RAD54L2: variants seen among roughly 807,000 people sequenced by gnomAD.
RAD54L2 encodes the protein RAD54 like 2.
RAD54L2 carries 27 observed loss-of-function variants against 138.4 expected under a neutral mutation model. That is an observed-to-expected ratio of 0.20 (90% CI 0.14 to 0.27). RAD54L2 has a LOEUF of 0.27. Ranked by LOEUF, RAD54L2 falls within the 10% of genes least tolerant of loss-of-function variation. The pLI is 1.00. For missense variants in RAD54L2, 1,396 were observed against 1,890.2 expected, an observed-to-expected ratio of 0.74 and a Z score of 4.85; for synonymous variants, 644 against 723.2, an observed-to-expected ratio of 0.89 and a Z score of 1.76.
rs932749607 is a variant in RAD54L2 at position 51,621,906 on chromosome 3, G to A, written c.140-5647G>A. Among the ~76,000 whole-genome samples the A allele has an allele frequency of 7.2e-5, 11 of 152,142 alleles. No individual in the cohort carries two copies. In the South Asian group the frequency reaches 2.1e-3, roughly 29 times the overall value. On this transcript the variant is annotated intron_variant, in intron 3 of 22. Transcript: ENST00000684192. ...CATTTAGCAGTAGATATCCTCTCTT[G>A]GGGAGTCTGCTGCCCAGCCAACTGT...
intron 2 of RAD54L2, among the ~76,000 whole-genome samples, chr3:51,577,818 A>G (rs1699513595): frequency 1.3e-5 from 2 of 152,188 alleles, no homozygotes; most frequent in Admixed American, 1.3e-4. Flanking sequence ...CCTCAGTTGG[A>G]AATTCAGAAA....
At chr3:51,643,363 C>T (rs985622801) in intron 15 of RAD54L2, among the ~76,000 whole-genome samples, 19 of 152,212 alleles carry the variant, frequency 1.2e-4, no homozygotes, top group African/African-American at 4.1e-4. Flanking sequence ...CTCTTTGGAG[C>T]TTCCCTCCTT....
intron 22 of RAD54L2, among the ~76,000 whole-genome samples, chr3:51,661,369 GTCT>G (rs1205893738): frequency 1.2e-4 from 18 of 152,252 alleles, no homozygotes; most frequent in African/African-American, 3.9e-4. Context: ...TTCTAGATAT[GTCT>G]TCTTGAAGGT....
rs80323465 is a variant in RAD54L2, at chr3:51,658,700, G to A, written c.3316+1031G>A. Among the ~76,000 whole-genome samples the A allele has an allele frequency of 8.4e-4, 128 of 152,180 alleles. No homozygotes were observed. In the East Asian group the frequency reaches 0.023, roughly 28 times the overall value. On this transcript the variant is annotated intron_variant, in intron 21 of 22. Transcript: ENST00000684192. Reference sequence around the variant, plus strand: ...GGGTTAGAGTACCTTTGAGGTTAGGGAAAAAGTGCCATGAAATACCCAGAC... The same window carrying A: ...GGGTTAGAGTACCTTTGAGGTTAGGAAAAAAGTGCCATGAAATACCCAGAC...
At chr3:51,579,616 C>T (rs1043626164) in intron 2 of RAD54L2, among the ~76,000 whole-genome samples, 4 of 152,120 alleles carry the variant, frequency 2.6e-5, no homozygotes, top group East Asian at 1.9e-4. Flanking sequence ...AAACTCACTA[C>T]GTATTTCCAT....
intron 3 of RAD54L2, among the ~76,000 whole-genome samples, chr3:51,595,887 T>C (rs1699947403): frequency 6.6e-6 from 1 of 151,338 alleles, no homozygotes; most frequent in Admixed American, 6.6e-5. Context: ...ACCTCTGGGA[T>C]TGGCTTTCCT....
At chr3:51,655,852 C>T in intron 19 of RAD54L2, 119 bp from the exon 20 acceptor site, 2 of 852,878 alleles carry the variant, frequency 2.3e-6, no homozygotes, top group East Asian at 2.5e-5. Context: ...TCTTCTGATC[C>T]TTCTCTGAGC....
intron 2 of RAD54L2, among the ~76,000 whole-genome samples, chr3:51,576,631 G>A (rs1699487748): frequency 1.3e-5 from 2 of 152,144 alleles, no homozygotes; most frequent in South Asian, 4.2e-4. Flanking sequence ...TAGTTTATTT[G>A]TGTAGAGGTG....
chr3:51,663,304 G>A lies in RAD54L2; in HGVS notation c.4288G>A (p.Gly1430Ser), dbSNP rs1176101116. 6.2e-7 allele frequency: 1 copy of A among 1,613,920 alleles called. No individual in the cohort carries two copies. The highest frequency in any genetic ancestry group is 1.6e-4 in the Middle Eastern group (1 of 6,062). The stretch of plus-strand genomic sequence containing the variant: ...CCCACATGCAGGCTACCCAGCTGGT[G>A]GCCTCCTACGGTCCCAGGTGCCTCC... ...MSPHAGYPAGGLLRSQVPPFD... is the reference protein window; with the variant it reads ...MSPHAGYPAGSLLRSQVPPFD... Residue 1430 changes from glycine to serine, a missense_variant, in exon 23 of 23, where the codon GGC (glycine) becomes AGC (serine). Around this residue, in one of 7 missense-constraint regions of RAD54L2, gnomAD observed 634 missense variants for 711.2 expected, o/e 0.89. Transcript: ENST00000684192.
At chr3:51,636,955 A>T in intron 10 of RAD54L2, 1 of 586,664 alleles carries the variant, frequency 1.7e-6, no homozygotes, top group South Asian at 2.1e-5. Context: ...AAAAGAGTCA[A>T]CTGCCAGATT....
chr3:51,584,813 T>G (rs1352546455), intron 2 of RAD54L2, among the ~76,000 whole-genome samples: 1 of 151,760 alleles, frequency 6.6e-6, no homozygotes, highest in African/African-American at 2.4e-5. Flanking sequence ...AATTTTTTAT[T>G]TATTTATTTA....
intron 3 of RAD54L2, among the ~76,000 whole-genome samples, chr3:51,612,248 T>G (rs1368401980): frequency 2.0e-5 from 3 of 152,140 alleles, no homozygotes; most frequent in Non-Finnish European, 4.4e-5. Flanking sequence ...GCAGATCACC[T>G]GAGGTCAGAA....
At chr3:51,651,997 G>T (rs1042002941) in intron 19 of RAD54L2, among the ~76,000 whole-genome samples, 4 of 152,292 alleles carry the variant, frequency 2.6e-5, no homozygotes, top group Non-Finnish European at 5.9e-5. Flanking sequence ...AAGTCAAATT[G>T]TCCCTATTTG....
intron 3 of RAD54L2, among the ~76,000 whole-genome samples, chr3:51,626,087 C>T (rs1700671826): frequency 6.6e-6 from 1 of 151,842 alleles, no homozygotes; most frequent in Admixed American, 6.6e-5. Context: ...CCGCCGACCC[C>T]ACCAAAAAAA....
Position 51,541,583 on chromosome 3 carries a change from A to G in RAD54L2, c.-116-6A>G, listed in dbSNP as rs1427669856. ...TTATCCCCTATGTCTGGTTCACTGT[A>G]TGTAGGCTGGGAGTGTCTGCTGATC... On this transcript the variant is annotated splice_region_variant and splice_polypyrimidine_tract_variant and intron_variant, in intron 1 of 22. Transcript: ENST00000684192. 6.6e-6 allele frequency: 1 copy of G among 152,218 alleles called. No homozygotes were observed. The highest frequency in any genetic ancestry group is 1.5e-5 in the Non-Finnish European group (1 of 68,058). 9.4% of individuals were successfully genotyped at this position (152,218 alleles called of 1,614,324 possible). A position where few individuals can be genotyped will look rare whatever the true frequency, so the allele number is the denominator to read the frequency against.
intron 2 of RAD54L2, among the ~76,000 whole-genome samples, chr3:51,581,597 C>T (rs745926439): frequency 9.9e-5 from 15 of 152,234 alleles, no homozygotes; most frequent in Admixed American, 4.6e-4. Flanking sequence ...CAGCTTGTAT[C>T]GGTCTGGGCT....
At chr3:51,572,034 A>G (rs997570274) in intron 2 of RAD54L2, among the ~76,000 whole-genome samples, 2 of 152,080 alleles carry the variant, frequency 1.3e-5, no homozygotes, top group African/African-American at 4.8e-5. Flanking sequence ...TTTCTCATCT[A>G]TCTTTGCTAG....
intron 3 of RAD54L2, among the ~76,000 whole-genome samples, chr3:51,612,100 A>T (rs142272163): frequency 6.6e-6 from 1 of 152,334 alleles, no homozygotes; most frequent in East Asian, 1.9e-4. Context: ...ACATAAAATT[A>T]GTGGATCTTT....
At chr3:51,569,071 A>G (rs971399459) in intron 2 of RAD54L2, among the ~76,000 whole-genome samples, 3 of 152,192 alleles carry the variant, frequency 2.0e-5, no homozygotes, top group Non-Finnish European at 1.5e-5. Flanking sequence ...AACATTTTCC[A>G]CAGAAGACCA....
Sources: gnomAD v4.1 joint callset for allele counts (sites outside exome capture counted in the v4.1 genomes callset) on GRCh38, gnomAD v4.1.1 for gene constraint, gnomAD v4.1.1 regional missense constraint, MANE v1.5 for transcripts, NCBI Gene and HGNC (gene_info 2026-07-23, HGNC 2026-07-21) for gene names.